Variants in MDGA2 observed in about 807,000 individuals in gnomAD.
The protein encoded by MDGA2 is MAM domain containing glycosylphosphatidylinositol anchor 2.
In MDGA2, 40 loss-of-function variants were observed where a neutral mutation model predicts 117.8. The observed-to-expected ratio is 0.34, with a 90% CI of 0.26 to 0.44. The LOEUF is 0.44. Ranked by LOEUF, MDGA2 falls within the 20% of genes least tolerant of loss-of-function variation. The pLI is 1.00. For synonymous variants in MDGA2, 452 were observed against 439.0 expected, an observed-to-expected ratio of 1.03 and a Z score of -0.37; for missense variants, 1,123 against 1,250.6, an observed-to-expected ratio of 0.90 and a Z score of 1.54.
chr14:47,352,855 G>A (rs957479661), intron 1 of MDGA2, among the ~76,000 whole-genome samples: 1 of 152,064 alleles, frequency 6.6e-6, no homozygotes, highest in African/African-American at 2.4e-5. Context: ...AAATGTTGAT[G>A]GCTGTTGTGA....
At chr14:47,573,281 T>C (rs1283105999) in intron 1 of MDGA2, among the ~76,000 whole-genome samples, 1 of 152,160 alleles carries the variant, frequency 6.6e-6, no homozygotes, top group African/African-American at 2.4e-5. Flanking sequence ...TGGGGAGTGT[T>C]TTCCAAGCAG....
At chr14:47,176,122 T>A (rs1173528443) in intron 3 of MDGA2, among the ~76,000 whole-genome samples, 1 of 152,060 alleles carries the variant, frequency 6.6e-6, no homozygotes, top group Non-Finnish European at 1.5e-5. Flanking sequence ...CAAAGAGAAC[T>A]ACAAACCACT....
rs770857916 is a variant in MDGA2 at position 47,131,808 on chromosome 14, A to G, written c.831T>C (p.Pro277=). 1.3e-6 allele frequency: 2 copies of G among 1,593,434 alleles called. No individual in the cohort carries two copies. Among genetic ancestry groups the G allele is most frequent in the Non-Finnish European group, 1.7e-6 (2 of 1,164,792 alleles). Residue 277 remains proline, a synonymous_variant, in exon 5 of 17, where the codon CCT becomes CCC. Transcript: ENST00000399232. ...TGCAGCTATAATTAGCATAGTCCTG[A>G]GGTCGAAGATTCTTTAGTTTTAAGA... ...TKILKLKNLR[P]QDYANYSCIA...
intron 7 of MDGA2, among the ~76,000 whole-genome samples, chr14:47,038,437 A>C (rs1888937577): frequency 6.6e-6 from 1 of 152,144 alleles, no homozygotes; most frequent in Admixed American, 6.5e-5. Flanking sequence ...AATTTTTTTA[A>C]ATGTTATCAT....
intron 1 of MDGA2, among the ~76,000 whole-genome samples, chr14:47,371,705 A>G (rs748309011): frequency 6.6e-6 from 1 of 151,754 alleles, no homozygotes; most frequent in African/African-American, 2.4e-5. Flanking sequence ...GATTCTCATT[A>G]TTACTGAAAG....
chr14:47,355,867 T>C (rs1890982667), intron 1 of MDGA2, among the ~76,000 whole-genome samples: 1 of 152,198 alleles, frequency 6.6e-6, no homozygotes, highest in Admixed American at 6.5e-5. Context: ...CAGATGCTTC[T>C]CTTTTGACAG....
chr14:46,945,787 C>T (rs572891057), intron 9 of MDGA2, among the ~76,000 whole-genome samples: 1 of 152,060 alleles, frequency 6.6e-6, no homozygotes, highest in Non-Finnish European at 1.5e-5. Flanking sequence ...CTTGCACTGT[C>T]TGTTTTTATT....
intron 14 of MDGA2, among the ~76,000 whole-genome samples, chr14:46,869,316 C>T (rs1881903442): frequency 6.7e-6 from 1 of 148,788 alleles, no homozygotes; most frequent in African/African-American, 2.5e-5. Context: ...ATTTTTAATA[C>T]ACTTTTGTCA....
At chr14:47,108,415 A>C (rs1880845895) in intron 5 of MDGA2, among the ~76,000 whole-genome samples, 1 of 152,228 alleles carries the variant, frequency 6.6e-6, no homozygotes, top group South Asian at 2.1e-4. Flanking sequence ...GAAGAAGTGA[A>C]TATGCCTTGC....
At chr14:47,424,716 A>G (rs17118617) in intron 1 of MDGA2, among the ~76,000 whole-genome samples, 59,909 of 151,928 alleles carry the variant, frequency 0.39, 11,843 homozygotes, top group South Asian at 0.56. Flanking sequence ...GGAGCAATAC[A>G]TATCTATGTG....
intron 8 of MDGA2, among the ~76,000 whole-genome samples, chr14:47,027,782 G>A (rs904983407): frequency 5.9e-5 from 9 of 151,786 alleles, no homozygotes; most frequent in Admixed American, 4.6e-4. Context: ...CAAGGAAAAC[G>A]CCCAGAATGT....
At chr14:47,190,891 T>C (rs1016986383) in intron 3 of MDGA2, among the ~76,000 whole-genome samples, 62 of 152,148 alleles carry the variant, frequency 4.1e-4, no homozygotes, top group Admixed American at 5.9e-4. Flanking sequence ...TTTTCAATCT[T>C]ATTACACTAC....
intron 8 of MDGA2, among the ~76,000 whole-genome samples, chr14:46,973,256 A>G (rs1261450209): frequency 1.3e-5 from 2 of 152,172 alleles, no homozygotes; most frequent in African/African-American, 2.4e-5. Flanking sequence ...CAGCAATCAT[A>G]GACCTTAGTA....
chr14:47,056,512 T>C (rs866500540), intron 7 of MDGA2, among the ~76,000 whole-genome samples: 20 of 152,158 alleles, frequency 1.3e-4, no homozygotes, highest in Admixed American at 3.3e-4. Context: ...AAAAAGATCA[T>C]CAAAATCTGT....
At chr14:47,258,761 G>A (rs1887702653) in intron 2 of MDGA2, among the ~76,000 whole-genome samples, 1 of 151,790 alleles carries the variant, frequency 6.6e-6, no homozygotes, top group Admixed American at 6.6e-5. Flanking sequence ...CATGTACTTG[G>A]AAGATCATCA....
At chr14:47,056,007 C>A (rs532762617) in intron 7 of MDGA2, among the ~76,000 whole-genome samples, 1 of 152,242 alleles carries the variant, frequency 6.6e-6, no homozygotes, top group Non-Finnish European at 1.5e-5. Context: ...AATTACATAA[C>A]TTTTGATTGC....
intron 5 of MDGA2, among the ~76,000 whole-genome samples, chr14:47,125,208 A>G (rs1881839953): frequency 6.6e-6 from 1 of 152,122 alleles, no homozygotes; most frequent in Non-Finnish European, 1.5e-5. Flanking sequence ...CTTTGCTGCT[A>G]CTTCCTCTTG....
intron 1 of MDGA2, among the ~76,000 whole-genome samples, chr14:47,334,377 C>T (rs1449522354): frequency 1.3e-5 from 2 of 151,714 alleles, no homozygotes; most frequent in East Asian, 3.9e-4. Flanking sequence ...TTTTTAAAAG[C>T]AAGTTTCTGG....
At chr14:47,552,729 A>T (rs940854446) in intron 1 of MDGA2, among the ~76,000 whole-genome samples, 22 of 152,314 alleles carry the variant, frequency 1.4e-4, no homozygotes, top group African/African-American at 4.8e-4. Context: ...ATGGCTTTTT[A>T]AAAAATTTTA....
Sources: gnomAD v4.1 joint callset for allele counts (sites outside exome capture counted in the v4.1 genomes callset) on GRCh38, gnomAD v4.1.1 for gene constraint, MANE v1.5 for transcripts, NCBI Gene and HGNC (gene_info 2026-07-23, HGNC 2026-07-21) for gene names.